BLTP1: variants seen among roughly 807,000 people sequenced by gnomAD.
BLTP1 encodes fragile site-associated protein.
At chr4:122,281,404 A>G in the BLTP1 span, 1 of 1,352,242 alleles carries the variant, frequency 7.4e-7, no homozygotes, top group Non-Finnish European at 9.5e-7. Context: ...TCTGAATATG[A>G]TCTGATATTG....
chr4:122,273,064 G>T, the BLTP1 span: 1 of 241,802 alleles, frequency 4.1e-6, no homozygotes, highest in Non-Finnish European at 6.6e-6. Flanking sequence ...AAAGTTGCAG[G>T]GATTCTCTTG....
chr4:122,235,296 C>T, the BLTP1 span: 1 of 944,318 alleles, frequency 1.1e-6, no homozygotes, highest in Non-Finnish European at 1.3e-6. Context: ...TATTTCCTTA[C>T]ATACTGTTAT....
At chr4:122,214,269 C>A in the BLTP1 span, 1 of 937,000 alleles carries the variant, frequency 1.1e-6, no homozygotes, top group Non-Finnish European at 1.3e-6. Context: ...CACTCATATA[C>A]CAAAATACCA....
At chr4:122,337,152 A>G in the BLTP1 span, 1 of 791,380 alleles carries the variant, frequency 1.3e-6, no homozygotes, top group South Asian at 1.7e-5. Flanking sequence ...TATGTTTGTG[A>G]TGGCTTGGAG....
the BLTP1 span, chr4:122,293,233 C>G: frequency 4.4e-4 from 412 of 940,866 alleles, 4 homozygotes; most frequent in Non-Finnish European, 1.4e-4. Context: ...TTGATTGACA[C>G]AAAAGTAGGA....
At chr4:122,335,582 T>C in the BLTP1 span, among the ~76,000 whole-genome samples, 1 of 152,134 alleles carries the variant, frequency 6.6e-6, no homozygotes, top group African/African-American at 2.4e-5. Context: ...GGCACATCTG[T>C]GTCCATTAAG....
At chr4:122,224,528 G>A in the BLTP1 span, 2 of 1,613,866 alleles carry the variant, frequency 1.2e-6, no homozygotes, top group Non-Finnish European at 1.7e-6. Flanking sequence ...AGTACTCAGG[G>A]AAGGTCACAT....
chr4:122,286,489 G>C, the BLTP1 span: 8 of 1,602,914 alleles, frequency 5.0e-6, no homozygotes, highest in East Asian at 1.6e-4. Context: ...AGTGAGGAAT[G>C]AATGAGTGAA....
the BLTP1 span, chr4:122,276,565 A>G: frequency 2.0e-6 from 2 of 985,334 alleles, no homozygotes; most frequent in Non-Finnish European, 2.4e-6. Flanking sequence ...AGCCATTTGC[A>G]TGTCAGCACC....
the BLTP1 span, chr4:122,247,142 C>CT: frequency 3.1e-5 from 49 of 1,593,836 alleles, no homozygotes; most frequent in African/African-American, 1.3e-4. Context: ...ATTTTACTCT[C>CT]TTTTTTTTCA....
the BLTP1 span, chr4:122,345,191 T>C: frequency 4.2e-6 from 1 of 237,838 alleles, no homozygotes; most frequent in African/African-American, 2.3e-5. Flanking sequence ...TGCTAGGTGA[T>C]TGAGGGGAGC....
the BLTP1 span, chr4:122,184,907 A>T: frequency 1.0e-6 from 1 of 983,716 alleles, no homozygotes; most frequent in Non-Finnish European, 1.2e-6. Context: ...ATCTGCCCCT[A>T]ATATTCTGAT....
At chr4:122,206,055 G>A in the BLTP1 span, 3 of 982,744 alleles carry the variant, frequency 3.1e-6, no homozygotes, top group African/African-American at 5.2e-5. Flanking sequence ...AAGTACCAAA[G>A]GGTAAACAGA....
At chr4:122,208,219 A>G in the BLTP1 span, 157 of 682,546 alleles carry the variant, frequency 2.3e-4, no homozygotes, top group Non-Finnish European at 2.6e-4. Flanking sequence ...GTAGTAACTC[A>G]ATTCTCAGAA....
At chr4:122,334,496 G>A in the BLTP1 span, 2 of 1,612,712 alleles carry the variant, frequency 1.2e-6, no homozygotes, top group South Asian at 2.2e-5. Context: ...CCACTGTCCA[G>A]AGCAAGACTA....
the BLTP1 span, chr4:122,172,990 G>C: frequency 1.9e-6 from 3 of 1,608,638 alleles, no homozygotes; most frequent in Non-Finnish European, 2.6e-6. Flanking sequence ...ACACATTACT[G>C]TGTAGAAGTA....
At chr4:122,239,517 A>G in the BLTP1 span, 1 of 1,556,878 alleles carries the variant, frequency 6.4e-7, no homozygotes, top group Non-Finnish European at 8.8e-7. Context: ...CTGTTTTAGT[A>G]TCCCTACAGA....
the BLTP1 span, chr4:122,250,306 C>G: frequency 6.6e-7 from 1 of 1,510,228 alleles, no homozygotes; most frequent in Non-Finnish European, 9.1e-7. Flanking sequence ...TTGTAGAGTA[C>G]AGCATTAAGA....
chr4:122,196,767 T>G, the BLTP1 span: 1 of 1,585,276 alleles, frequency 6.3e-7, no homozygotes, highest in Non-Finnish European at 8.6e-7. Flanking sequence ...ATGCTACAAT[T>G]GATTTGCTGT....
Sources: gnomAD v4.1 joint callset for allele counts (sites outside exome capture counted in the v4.1 genomes callset) on GRCh38, gnomAD v4.1.1 for gene constraint, MANE v1.5 for transcripts, NCBI Gene and HGNC (gene_info 2026-07-23, HGNC 2026-07-21) for gene names.